ADARB2: variants seen among roughly 807,000 people sequenced by gnomAD.
ADARB2 encodes adenosine deaminase RNA specific B2 (inactive).
A neutral mutation model predicts 62.2 loss-of-function variants in ADARB2; 25 were observed. The ratio of observed to expected loss-of-function variants is 0.40; its 90% CI spans 0.29 to 0.56. The LOEUF is 0.56. ADARB2 is among the 20% of genes least tolerant of loss of function. The pLI is 0.43. For missense variants in ADARB2, 1,071 were observed against 1,077.4 expected (o/e 0.99, Z 0.08); for synonymous variants, 572 against 500.8 (o/e 1.14, Z -1.90).
At chr10:1,698,958 G>A (rs901199219) in intron 1 of ADARB2, among the ~76,000 whole-genome samples, 2 of 152,068 alleles carry the variant, frequency 1.3e-5, no homozygotes, top group Non-Finnish European at 2.9e-5. Context: ...ATTGGGTTTC[G>A]CCATGTTGGC....
At chr10:1,585,378 G>A (rs1015235759) in intron 1 of ADARB2, among the ~76,000 whole-genome samples, 2 of 152,040 alleles carry the variant, frequency 1.3e-5, no homozygotes, top group African/African-American at 4.8e-5. Flanking sequence ...AAATAAGATC[G>A]CTACAAAGAT....
chr10:1,471,053 C>A lies in ADARB2; in HGVS notation c.101-91893G>T, dbSNP rs145808878. On this transcript the variant is annotated intron_variant, in intron 1 of 9. Coordinates refer to ENST00000381312, the MANE Select transcript of ADARB2 (RefSeq NM_018702.4). The stretch of plus-strand genomic sequence containing the variant: ...CAGCCTGGGCAACAGAGTGAGACTC[C>A]GTCTAAAAAAAACAAAAACAAACCC... 3.3e-5 allele frequency among the ~76,000 whole-genome samples: 5 copies of A among 152,102 alleles called. No homozygotes were observed. In the South Asian group the frequency reaches 6.2e-4, roughly 19 times the overall value.
intron 1 of ADARB2, among the ~76,000 whole-genome samples, chr10:1,483,936 C>T (rs1160035419): frequency 1.3e-5 from 2 of 152,158 alleles, no homozygotes; most frequent in East Asian, 1.9e-4. Context: ...TTTTCTTCCC[C>T]TGAATGAAAG....
intron 1 of ADARB2, among the ~76,000 whole-genome samples, chr10:1,693,948 G>A (rs940515090): frequency 2.0e-5 from 3 of 152,314 alleles, no homozygotes; most frequent in Non-Finnish European, 4.4e-5. Context: ...TGTGTACCAC[G>A]GAACACTAGT....
chr10:1,604,773 C>T (rs374180183), intron 1 of ADARB2, among the ~76,000 whole-genome samples: 1 of 152,210 alleles, frequency 6.6e-6, no homozygotes, highest in Non-Finnish European at 1.5e-5. Flanking sequence ...CATGCATCAA[C>T]TATAGTGTCT....
In ADARB2 at chr10:1,341,797, A is replaced by T. The variant is rs547950639; in HGVS notation, c.1077+21231T>A. On this transcript the variant is annotated intron_variant, in intron 3 of 9. Transcript: ENST00000381312. The stretch of plus-strand genomic sequence containing the variant: ...TCAGTGGTGATAATCAGCATCAGCC[A>T]GAGAACCACGTGCCCCAAAGCAGTG... 2.6e-5 allele frequency among the ~76,000 whole-genome samples: 4 copies of T among 152,340 alleles called. No homozygotes were observed. The South Asian group carries it at 6.2e-4, about 24-fold the overall frequency.
At chr10:1,250,591 T>C (rs1421147716) in intron 4 of ADARB2, among the ~76,000 whole-genome samples, 1 of 152,124 alleles carries the variant, frequency 6.6e-6, no homozygotes, top group African/African-American at 2.4e-5. Context: ...TTCTCCATCA[T>C]GTTATGATGC....
intron 3 of ADARB2, among the ~76,000 whole-genome samples, chr10:1,288,061 C>T (rs1335156994): frequency 5.3e-5 from 8 of 152,234 alleles, no homozygotes; most frequent in African/African-American, 2.4e-5. Context: ...AGCTCGTGCA[C>T]TGCTGTCTCT....
At chr10:1,705,554 T>C (rs1035727033) in intron 1 of ADARB2, among the ~76,000 whole-genome samples, 1 of 152,152 alleles carries the variant, frequency 6.6e-6, no homozygotes, top group Non-Finnish European at 1.5e-5. Flanking sequence ...CAGAATGCAA[T>C]GGAGATTGTT....
chr10:1,362,493 C>G (rs1832267350), intron 3 of ADARB2, among the ~76,000 whole-genome samples: 1 of 152,188 alleles, frequency 6.6e-6, no homozygotes, highest in Non-Finnish European at 1.5e-5. Flanking sequence ...CCCACAGCTG[C>G]GCAGGAAGGA....
At chr10:1,392,727 G>T (rs1832580563) in intron 1 of ADARB2, among the ~76,000 whole-genome samples, 1 of 152,164 alleles carries the variant, frequency 6.6e-6, no homozygotes, top group Non-Finnish European at 1.5e-5. Flanking sequence ...ACACGAGAAG[G>T]TTTGATTCTT....
At chr10:1,463,296 A>G (rs10903459) in intron 1 of ADARB2, among the ~76,000 whole-genome samples, 42,542 of 152,026 alleles carry the variant, frequency 0.28, 6,972 homozygotes, top group South Asian at 0.52. Context: ...AGCACTTGTC[A>G]CACAGAATCC....
chr10:1,323,320 A>G (rs1831812407), intron 3 of ADARB2, among the ~76,000 whole-genome samples: 1 of 152,132 alleles, frequency 6.6e-6, no homozygotes, highest in South Asian at 2.1e-4. Context: ...AAAAAAATCA[A>G]AGAAGACCTA....
At chr10:1,386,085 G>A (rs1832522614) in intron 1 of ADARB2, among the ~76,000 whole-genome samples, 1 of 151,970 alleles carries the variant, frequency 6.6e-6, no homozygotes, top group Admixed American at 6.6e-5. Context: ...TCTGTTGCAA[G>A]TTTCTTCCTT....
chr10:1,346,322 G>A lies in ADARB2; in HGVS notation c.1077+16706C>T, dbSNP rs1396242979. Among the ~76,000 whole-genome samples the A allele has an allele frequency of 2.0e-5, 3 of 152,164 alleles. No individual in the cohort carries two copies. In the East Asian group the frequency reaches 5.8e-4, roughly 29 times the overall value. On this transcript the variant is annotated intron_variant, in intron 3 of 9. Coordinates refer to ENST00000381312, the MANE Select transcript of ADARB2 (RefSeq NM_018702.4). The stretch of plus-strand genomic sequence containing the variant: ...GATGGGGCTTGAGATTGGGAATAAC[G>A]AGTTCGTCTCTCACCAACCGCGAGA...
In ADARB2 at chr10:1,490,719, T is replaced by C. The variant is rs899268130; in HGVS notation, c.101-111559A>G. On this transcript the variant is annotated intron_variant, in intron 1 of 9. Coordinates refer to ENST00000381312, the MANE Select transcript of ADARB2 (RefSeq NM_018702.4). ...ATCTGCTCTCTTTGGCTTCCCAAAG[T>C]GCTGGAATCACCCGCCTGAGCCAAG... Among the ~76,000 whole-genome samples the C allele has an allele frequency of 9.2e-5, 14 of 152,224 alleles. 1 individual carries two copies. Among genetic ancestry groups the C allele is most frequent in the African/African-American group, 3.4e-4 (14 of 41,466 alleles).
chr10:1,711,299 G>A (rs1306194280), intron 1 of ADARB2, among the ~76,000 whole-genome samples: 1 of 152,178 alleles, frequency 6.6e-6, no homozygotes, highest in African/African-American at 2.4e-5. Flanking sequence ...CTGTCTGTGA[G>A]AACGAACTCA....
intron 1 of ADARB2, among the ~76,000 whole-genome samples, chr10:1,412,142 C>T (rs1832764729): frequency 6.6e-6 from 1 of 152,020 alleles, no homozygotes; most frequent in African/African-American, 2.4e-5. Flanking sequence ...TGTCAAGGGC[C>T]CTTTTCTCCG....
chr10:1,489,449 A>G (rs1037936656), intron 1 of ADARB2, among the ~76,000 whole-genome samples: 1 of 152,212 alleles, frequency 6.6e-6, no homozygotes, highest in Admixed American at 6.5e-5. Context: ...GTATCCTCTG[A>G]TCTAACATTT....
Sources: allele counts gnomAD v4.1 joint callset (sites outside exome capture counted in the v4.1 genomes callset), GRCh38; gene constraint gnomAD v4.1.1; transcripts MANE v1.5; gene names NCBI Gene and HGNC (gene_info 2026-07-23, HGNC 2026-07-21).